Variants in STK32A observed in about 807,000 individuals in gnomAD.
The protein encoded by STK32A is serine/threonine-protein kinase 32A.
Under a neutral mutation model 53.2 loss-of-function variants are expected in STK32A, and 41 were observed. The observed-to-expected ratio is 0.77, with a 90% CI of 0.60 to 1.00. The LOEUF (loss-of-function observed/expected upper bound fraction) is 1.00, where lower values mean the gene tolerates loss of function less well. STK32A is among the 50% of genes least tolerant of loss of function. The pLI is 0.00. For missense variants in STK32A, 458 were observed against 485.8 expected (o/e 0.94, Z 0.54); for synonymous variants, 166 against 162.8 (o/e 1.02, Z -0.15).
At chr5:147,292,995 A>G (rs55634327) in intron 4 of STK32A, among the ~76,000 whole-genome samples, 50,777 of 152,118 alleles carry the variant, frequency 0.33, 8,864 homozygotes, top group South Asian at 0.6. Context: ...TTTTTACATA[A>G]TCCATTGATA....
intron 4 of STK32A, among the ~76,000 whole-genome samples, chr5:147,298,610 C>G (rs188584222): frequency 7.4e-4 from 113 of 152,270 alleles, no homozygotes; most frequent in African/African-American, 2.5e-3. Context: ...AGTTGAACTG[C>G]CTTCAGAATC....
At chr5:147,348,307 T>C (rs920192316) in intron 6 of STK32A, among the ~76,000 whole-genome samples, 7 of 152,234 alleles carry the variant, frequency 4.6e-5, no homozygotes, top group Non-Finnish European at 7.3e-5. Flanking sequence ...TAATGAGTAC[T>C]CACCAGAGTT....
At chr5:147,257,608 A>G (rs11167982) in intron 2 of STK32A, among the ~76,000 whole-genome samples, 46,471 of 151,928 alleles carry the variant, frequency 0.31, 7,341 homozygotes, top group African/African-American at 0.38. Flanking sequence ...TGGAGGGGGC[A>G]GCGCTTTCTT....
At chr5:147,341,787 A>G (rs1440349445) in intron 5 of STK32A, among the ~76,000 whole-genome samples, 2 of 152,192 alleles carry the variant, frequency 1.3e-5, no homozygotes, top group African/African-American at 4.8e-5. Context: ...TGTATTATAT[A>G]CCAGAAATTT....
Position 147,370,739 on chromosome 5 carries a change from G to T in STK32A, c.746G>T (p.Trp249Leu). ...ACTGTTGTAACTTACCCTTCTGCCT[G>T]GTCACAGGAAATGGTGTCACTTCTT... ...ETTVVTYPSA[W>L]SQEMVSLLKK... Residue 249 changes from tryptophan to leucine, a missense_variant, in exon 9 of 13, where the codon TGG becomes TTG. By Grantham distance (61) the Trp-to-Leu change is moderately conservative (BLOSUM62 -2). Coordinates refer to ENST00000397936, the MANE Select transcript of STK32A (RefSeq NM_001112724.2). 1.2e-6 allele frequency: 2 copies of T among 1,612,222 alleles called. No individual in the cohort carries two copies. The highest frequency in any genetic ancestry group is 2.2e-5 in the East Asian group (1 of 44,824).
intron 4 of STK32A, among the ~76,000 whole-genome samples, chr5:147,288,163 T>C (rs967576678): frequency 2.0e-5 from 3 of 152,088 alleles, no homozygotes; most frequent in Non-Finnish European, 2.9e-5. Flanking sequence ...TTAACAATGA[T>C]AGAAGAAAGA....
chr5:147,378,654 C>T (rs1383270504), intron 11 of STK32A, among the ~76,000 whole-genome samples: 4 of 151,884 alleles, frequency 2.6e-5, no homozygotes, highest in African/African-American at 9.7e-5. Flanking sequence ...CAAGTGTTGG[C>T]AAGGGAATTC....
At chr5:147,358,680 T>C (rs532817587) in intron 7 of STK32A, among the ~76,000 whole-genome samples, 1 of 152,224 alleles carries the variant, frequency 6.6e-6, no homozygotes, top group East Asian at 1.9e-4. Context: ...ATACAAGGAA[T>C]ACGATTTGAT....
chr5:147,274,177 G>T (rs1306751787), intron 2 of STK32A, among the ~76,000 whole-genome samples: 1 of 152,160 alleles, frequency 6.6e-6, no homozygotes, highest in Non-Finnish European at 1.5e-5. Flanking sequence ...CAGATACAAT[G>T]GCTGTGAAGG....
At chr5:147,279,509 A>T in intron 4 of STK32A, 111 bp downstream of exon 4, 1 of 913,514 alleles carries the variant, frequency 1.1e-6, no homozygotes, top group Non-Finnish European at 1.6e-6. Context: ...CAGGCTCTTG[A>T]CACAATTGCA....
At chr5:147,312,046 G>C (rs1753725018) in intron 4 of STK32A, among the ~76,000 whole-genome samples, 1 of 152,182 alleles carries the variant, frequency 6.6e-6, no homozygotes, top group Admixed American at 6.5e-5. Flanking sequence ...GAGTCTTTAA[G>C]TCTTCCAAGA....
At chr5:147,323,411 C>A (rs1754413794) in intron 4 of STK32A, among the ~76,000 whole-genome samples, 1 of 152,138 alleles carries the variant, frequency 6.6e-6, no homozygotes, top group Non-Finnish European at 1.5e-5. Context: ...TATGTGTTTT[C>A]CTTATCATTA....
At chr5:147,340,360 C>G (rs1755345676) in intron 5 of STK32A, among the ~76,000 whole-genome samples, 1 of 152,134 alleles carries the variant, frequency 6.6e-6, no homozygotes, top group Non-Finnish European at 1.5e-5. Flanking sequence ...GAAGCATATC[C>G]AGGTTTATTA....
intron 5 of STK32A, among the ~76,000 whole-genome samples, chr5:147,327,188 T>C (rs968432302): frequency 6.6e-6 from 1 of 152,124 alleles, no homozygotes; most frequent in Admixed American, 6.5e-5. Flanking sequence ...ACTTTGTCAA[T>C]CTGAGACTAA....
chr5:147,400,548 G>C, the STK32A span: 1 of 1,133,818 alleles, frequency 8.8e-7, no homozygotes. Context: ...CACTGCCAGA[G>C]CCACATGGTT....
In STK32A at chr5:147,372,213, T is replaced by C. The variant is rs189559461; in HGVS notation, c.778-956T>C. Among the ~76,000 whole-genome samples, 58 of 150,628 alleles carry C rather than the reference T, an allele frequency of 3.9e-4. No individual in the cohort carries two copies. In the South Asian group the frequency reaches 8.2e-3, roughly 21 times the overall value. ...CAGTTATAGCGGGAGGTCAAAAGTG[T>C]ATATTGAGTGATGATACAAAACAAG... On this transcript the variant is annotated intron_variant, in intron 9 of 12. Transcript: ENST00000397936.
chr5:147,256,278 C>T (rs1754233030), intron 2 of STK32A, among the ~76,000 whole-genome samples: 1 of 152,174 alleles, frequency 6.6e-6, no homozygotes. Flanking sequence ...TGGGGGCTGA[C>T]CTGCAGGGTA....
At chr5:147,395,413 C>A in the STK32A span, 1 of 960,504 alleles carries the variant, frequency 1.0e-6, no homozygotes, top group South Asian at 1.7e-5. Flanking sequence ...TTCCTGCTTG[C>A]CCCAGTAACC....
At position 147,329,999 on chromosome 5, in the gene STK32A, G is replaced by T. The variant is rs531153944; in HGVS notation, c.434+5928G>T. Among the ~76,000 whole-genome samples the T allele has an allele frequency of 1.5e-4, 23 of 152,328 alleles. No homozygotes were observed. The South Asian group carries it at 4.8e-3, about 32-fold the overall frequency. ...CCTCTGTGCATCCACAACATGTGGG[G>T]TTCTGGTCTGCCTTTCCACTATGCT... On this transcript the variant is annotated intron_variant, in intron 5 of 12. Transcript: ENST00000397936.
Sources: gnomAD v4.1 joint callset for allele counts (sites outside exome capture counted in the v4.1 genomes callset) on GRCh38, gnomAD v4.1.1 for gene constraint, MANE v1.5 for transcripts, NCBI Gene and HGNC (gene_info 2026-07-23, HGNC 2026-07-21) for gene names.